Variants in EPHB1 observed in about 807,000 individuals in gnomAD.
The protein encoded by EPHB1 is EPH receptor B1.
EPHB1 carries 30 observed loss-of-function variants against 94.4 expected under a neutral mutation model. That is an observed-to-expected ratio of 0.32 (90% CI 0.24 to 0.43). The LOEUF is 0.43. EPHB1 is among the 20% of genes least tolerant of loss of function. The probability of loss-of-function intolerance (pLI) is 1.00; values close to 1 mark genes in which losing one functional copy is unlikely to be tolerated. For synonymous variants in EPHB1, 522 were observed against 489.1 expected, an observed-to-expected ratio of 1.07 and a Z score of -0.89; for missense variants, 1,055 against 1,308.3, an observed-to-expected ratio of 0.81 and a Z score of 2.99.
At chr3:135,184,570 T>C (rs882059) in intron 10 of EPHB1, among the ~76,000 whole-genome samples, 52,545 of 152,070 alleles carry the variant, frequency 0.35, 9,506 homozygotes, top group Middle Eastern at 0.47. Context: ...AATTAAATAT[T>C]TGTTGTATAT....
intron 5 of EPHB1, among the ~76,000 whole-genome samples, chr3:135,141,509 A>C (rs964299810): frequency 2.0e-5 from 3 of 152,048 alleles, no homozygotes; most frequent in African/African-American, 7.2e-5. Context: ...CTCCTAAACC[A>C]GCGGGCTGGT....
chr3:135,094,822 G>A (rs1328449070), intron 3 of EPHB1, among the ~76,000 whole-genome samples: 1 of 152,214 alleles, frequency 6.6e-6, no homozygotes, highest in Non-Finnish European at 1.5e-5. Context: ...AGGAGATGCA[G>A]GTAATGCTGC....
intron 10 of EPHB1, among the ~76,000 whole-genome samples, chr3:135,186,334 A>C (rs1942328167): frequency 6.6e-6 from 1 of 152,230 alleles, no homozygotes; most frequent in Non-Finnish European, 1.5e-5. Flanking sequence ...GTTGTGATCA[A>C]CTAATAATGT....
rs1272386313 is a variant in EPHB1 at position 135,246,941 on chromosome 3, AC to A, written c.2497-1374del. Among the ~76,000 whole-genome samples the A allele has an allele frequency of 2.0e-5, 3 of 149,220 alleles. No homozygotes were observed. In the East Asian group the frequency reaches 5.8e-4, roughly 29 times the overall value. On this transcript the variant is annotated intron_variant, in intron 13 of 15. Coordinates refer to ENST00000398015, the MANE Select transcript of EPHB1 (RefSeq NM_004441.5). ...TATGCATAGAAACTGTAAAAACTAAACTAACTGAAAATACTCACTTTTTGAC... is the reference window on the plus strand; with the variant it reads ...TATGCATAGAAACTGTAAAAACTAAATAACTGAAAATACTCACTTTTTGAC...
chr3:134,972,600 T>C (rs1239903682), intron 3 of EPHB1, among the ~76,000 whole-genome samples: 1 of 148,258 alleles, frequency 6.7e-6, no homozygotes, highest in Non-Finnish European at 1.5e-5. Context: ...AAAGAGGTAA[T>C]GTCAAAACAG....
At position 135,145,673 on chromosome 3, in the gene EPHB1, T is replaced by G. The variant is rs781230102; in HGVS notation, c.1298-8479T>G. 3.7e-4 allele frequency among the ~76,000 whole-genome samples: 56 copies of G among 152,168 alleles called. 2 individuals are homozygous for G. Among genetic ancestry groups the G allele is most frequent in the Non-Finnish European group, 2.9e-5 (2 of 68,022 alleles). ...TTACAGCTGAACAATCCCAGTGAGA[T>G]GGGGAGGGACCCAGCCTGCTAGGTG... is the stretch of plus-strand genomic sequence containing the variant. On this transcript the variant is annotated intron_variant, in intron 5 of 15. Coordinates refer to ENST00000398015, the MANE Select transcript of EPHB1 (RefSeq NM_004441.5).
rs143491427 is a variant in EPHB1, at chr3:135,214,395, T to C, written c.2346+12706T>C. Among the ~76,000 whole-genome samples, 864 of 152,350 alleles carry C rather than the reference T, an allele frequency of 5.7e-3. 12 individuals carry two copies. Among genetic ancestry groups the C allele is most frequent in the African/African-American group, 0.02 (815 of 41,578 alleles). ...GCTCCATCTGCATCAGACTCATTTC[T>C]GGTACTGCTCTAGGGCACCAGGCAT... On this transcript the variant is annotated intron_variant, in intron 12 of 15. Transcript: ENST00000398015.
intron 2 of EPHB1, among the ~76,000 whole-genome samples, chr3:134,931,835 GTC>G (rs559868650): frequency 6.6e-6 from 1 of 152,164 alleles, no homozygotes; most frequent in South Asian, 2.1e-4. Flanking sequence ...ATATATGTGT[GTC>G]TATGTTTGTA....
At chr3:134,967,002 C>T (rs1042931881) in intron 3 of EPHB1, among the ~76,000 whole-genome samples, 9 of 152,326 alleles carry the variant, frequency 5.9e-5, no homozygotes, top group South Asian at 4.1e-4. Flanking sequence ...AATAGAGCTG[C>T]CTTGTCCTTT....
chr3:134,810,124 G>A (rs1213285417), intron 1 of EPHB1, among the ~76,000 whole-genome samples: 3 of 152,212 alleles, frequency 2.0e-5, no homozygotes, highest in African/African-American at 7.2e-5. Context: ...CTGTTGATCT[G>A]AGGTCCTAGG....
chr3:135,090,164 G>T (rs570278895), intron 3 of EPHB1, among the ~76,000 whole-genome samples: 137 of 152,342 alleles, frequency 9.0e-4, no homozygotes, highest in African/African-American at 3.0e-3. Context: ...TCACCCAGAT[G>T]ATCTGATTTG....
rs1017263383 is a variant in EPHB1, at chr3:134,891,340, G to A, written c.59-34476G>A. ...GCCCAGTCTCGTCTTGAACTCCTGA[G>A]CTCAAGTGATCCACCTGCCTTGGCC... On this transcript the variant is annotated intron_variant, in intron 1 of 15. Transcript: ENST00000398015. Among the ~76,000 whole-genome samples, 17 of 152,086 alleles carry A rather than the reference G, an allele frequency of 1.1e-4. 1 individual carries two copies.
intron 1 of EPHB1, among the ~76,000 whole-genome samples, chr3:134,816,895 C>A (rs1323743240): frequency 2.0e-5 from 3 of 152,030 alleles, no homozygotes; most frequent in African/African-American, 7.2e-5. Context: ...GGGGCACTCA[C>A]CCTCAGTGTG....
At chr3:134,919,434 A>G (rs2107698947) in intron 1 of EPHB1, among the ~76,000 whole-genome samples, 1 of 152,346 alleles carries the variant, frequency 6.6e-6, no homozygotes, top group East Asian at 1.9e-4. Context: ...AACCAATCCC[A>G]TTCCAAAATC....
At chr3:134,942,944 T>C (rs187957921) in intron 2 of EPHB1, among the ~76,000 whole-genome samples, 19 of 152,352 alleles carry the variant, frequency 1.2e-4, no homozygotes, top group Admixed American at 7.2e-4. Flanking sequence ...AAACAGTATA[T>C]TATCAAATGC....
chr3:135,115,086 T>C (rs1284570744), intron 4 of EPHB1, among the ~76,000 whole-genome samples: 1 of 152,232 alleles, frequency 6.6e-6, no homozygotes, highest in Non-Finnish European at 1.5e-5. Context: ...TTGTCGGTCC[T>C]TCCTTGAGGC....
At chr3:134,796,400 G>T (rs2035828035) in intron 1 of EPHB1, 1 of 152,432 alleles carries the variant, frequency 6.6e-6, no homozygotes, top group Non-Finnish European at 1.5e-5. Context: ...TGGGGTGAGT[G>T]GTCGGTCCTA....
At chr3:134,866,463 C>A (rs1157701085) in intron 1 of EPHB1, among the ~76,000 whole-genome samples, 1 of 152,178 alleles carries the variant, frequency 6.6e-6, no homozygotes, top group East Asian at 1.9e-4. Context: ...GTACCTGCTG[C>A]CTGCTGCCCC....
At chr3:134,862,855 A>G (rs1428879128) in intron 1 of EPHB1, among the ~76,000 whole-genome samples, 1 of 152,216 alleles carries the variant, frequency 6.6e-6, no homozygotes, top group African/African-American at 2.4e-5. Context: ...TTTGGGGCCC[A>G]GTGTAAGAAA....
Sources: allele counts gnomAD v4.1 joint callset (sites outside exome capture counted in the v4.1 genomes callset), GRCh38; gene constraint gnomAD v4.1.1; transcripts MANE v1.5; gene names NCBI Gene and HGNC (gene_info 2026-07-23, HGNC 2026-07-21).